Variants in CHRM3 observed in about 807,000 individuals in gnomAD.
The protein encoded by CHRM3 is cholinergic receptor muscarinic 3, also known as muscarinic acetylcholine receptor M3.
CHRM3 carries 11 observed loss-of-function variants against 41.8 expected under a neutral mutation model. That is an observed-to-expected ratio of 0.26 (90% CI 0.17 to 0.44). The LOEUF is 0.44. Ranked by LOEUF, CHRM3 falls within the 20% of genes least tolerant of loss-of-function variation. The pLI is 1.00. For missense variants in CHRM3, 571 were observed against 745.4 expected (o/e 0.77, Z 2.72); for synonymous variants, 297 against 301.4 (o/e 0.99, Z 0.15).
intron 3 of CHRM3, among the ~76,000 whole-genome samples, chr1:239,559,454 T>G (rs1660664700): frequency 6.6e-6 from 1 of 152,186 alleles, no homozygotes; most frequent in Non-Finnish European, 1.5e-5. Flanking sequence ...TTCATTTCAG[T>G]CAAGAATATT....
chr1:239,667,813 C>G (rs549725803), intron 4 of CHRM3, among the ~76,000 whole-genome samples: 5 of 152,074 alleles, frequency 3.3e-5, no homozygotes, highest in African/African-American at 1.2e-4. Flanking sequence ...CACAAATCAC[C>G]TTTCTCTGTC....
intron 3 of CHRM3, among the ~76,000 whole-genome samples, chr1:239,627,112 TC>T (rs1669054331): frequency 1.0e-5 from 1 of 96,618 alleles, no homozygotes; most frequent in Non-Finnish European, 2.1e-5. Flanking sequence ...TGTTAAAGTC[TC>T]CCATTATTAA....
At chr1:239,456,814 C>T (rs1162562253) in intron 1 of CHRM3, among the ~76,000 whole-genome samples, 1 of 152,188 alleles carries the variant, frequency 6.6e-6, no homozygotes, top group East Asian at 1.9e-4. Flanking sequence ...GGCAATTGCC[C>T]TTCCCCAGAG....
In CHRM3 at chr1:239,664,555, C is replaced by T. The variant is rs148154492; in HGVS notation, c.-249-13631C>T. 3.2e-3 allele frequency among the ~76,000 whole-genome samples: 483 copies of T among 152,202 alleles called. 3 individuals are homozygous for T. The highest frequency in any genetic ancestry group is 0.011 in the African/African-American group (460 of 41,526). ...TTCTCTTACCCCTCATCTTGAGAAT[C>T]TCTCCTGGTGAGCCCTAGGCCCCTT... On this transcript the variant is annotated intron_variant, in intron 4 of 6. Transcript: ENST00000676153.
chr1:239,455,113 G>C (rs999117405), intron 1 of CHRM3, among the ~76,000 whole-genome samples: 1 of 152,026 alleles, frequency 6.6e-6, no homozygotes, highest in Admixed American at 6.6e-5. Flanking sequence ...GCACAATGGC[G>C]TGATCTCGGC....
intron 1 of CHRM3, among the ~76,000 whole-genome samples, chr1:239,422,154 A>G (rs558648352): frequency 2.0e-5 from 3 of 152,316 alleles, no homozygotes; most frequent in Admixed American, 2.0e-4. Flanking sequence ...CTTTTACTTC[A>G]TGCAATAACA....
intron 4 of CHRM3, among the ~76,000 whole-genome samples, chr1:239,673,920 A>G (rs1439278147): frequency 6.6e-6 from 1 of 152,160 alleles, no homozygotes; most frequent in African/African-American, 2.4e-5. Context: ...CAAATCTAAA[A>G]CACTCCAAAA....
chr1:239,564,854 C>A lies in CHRM3; in HGVS notation c.-313+19105C>A, dbSNP rs148906341. On this transcript the variant is annotated intron_variant, in intron 3 of 6. Coordinates refer to ENST00000676153, the MANE Select transcript of CHRM3 (RefSeq NM_001375978.1). The stretch of plus-strand genomic sequence containing the variant: ...AATGCCATGTACTTATTTCCTATTG[C>A]AACTCTAACAAAAGACCACAAACTT... 7.0e-3 allele frequency among the ~76,000 whole-genome samples: 1,069 copies of A among 152,230 alleles called. 12 individuals are homozygous for A. The highest frequency in any genetic ancestry group is 0.025 in the African/African-American group (1,031 of 41,540).
intron 1 of CHRM3, among the ~76,000 whole-genome samples, chr1:239,468,910 C>CA (rs1187162435): frequency 6.6e-6 from 1 of 152,046 alleles, no homozygotes; most frequent in African/African-American, 2.4e-5. Flanking sequence ...TCAATAAATC[C>CA]ATTAGCAGAT....
chr1:239,663,842 G>A (rs1379298333), intron 4 of CHRM3, among the ~76,000 whole-genome samples: 1 of 152,170 alleles, frequency 6.6e-6, no homozygotes, highest in Non-Finnish European at 1.5e-5. Flanking sequence ...TACCCAGAAA[G>A]CTGTCCCTTT....
At chr1:239,702,541 A>G (rs1660780583) in intron 5 of CHRM3, among the ~76,000 whole-genome samples, 1 of 152,232 alleles carries the variant, frequency 6.6e-6, no homozygotes, top group Non-Finnish European at 1.5e-5. Flanking sequence ...TAGCTTGCAG[A>G]AAGTTTCTGT....
At position 239,759,836 on chromosome 1, in the gene CHRM3, C is replaced by T. The variant is rs530567115; in HGVS notation, c.-146-67416C>T. The stretch of plus-strand genomic sequence containing the variant: ...TTTTTTACAGCACCTAGAGAAGCTT[C>T]GCTGAATCATCTGGAATCCACTTCC... On this transcript the variant is annotated intron_variant, in intron 5 of 6. Transcript: ENST00000676153. Among the ~76,000 whole-genome samples, 10 of 152,214 alleles carry T rather than the reference C, an allele frequency of 6.6e-5. No homozygotes were observed. The East Asian group carries it at 1.4e-3, about 21-fold the overall frequency.
At chr1:239,797,787 C>T (rs1669909353) in intron 5 of CHRM3, among the ~76,000 whole-genome samples, 2 of 152,126 alleles carry the variant, frequency 1.3e-5, no homozygotes, top group Admixed American at 1.3e-4. Flanking sequence ...GTGGCTTGCA[C>T]CTATGGTCCC....
intron 1 of CHRM3, among the ~76,000 whole-genome samples, chr1:239,421,873 A>G (rs949191309): frequency 7.2e-5 from 11 of 152,092 alleles, no homozygotes; most frequent in Non-Finnish European, 1.5e-4. Flanking sequence ...GCTAAATAAT[A>G]TGCTTAATTC....
intron 3 of CHRM3, among the ~76,000 whole-genome samples, chr1:239,547,989 G>C (rs990170983): frequency 2.6e-5 from 4 of 151,464 alleles, no homozygotes; most frequent in Non-Finnish European, 5.9e-5. Flanking sequence ...TTTTTCAGGA[G>C]AGAAAGAGAG....
intron 6 of CHRM3, chr1:239,897,964 G>A (rs1207204988): frequency 6.6e-6 from 1 of 152,108 alleles, no homozygotes; most frequent in Admixed American, 6.5e-5. Context: ...CCCATGAAAA[G>A]TGGCAACCGA....
chr1:239,481,764 G>A (rs1666869691), intron 1 of CHRM3, among the ~76,000 whole-genome samples: 1 of 152,136 alleles, frequency 6.6e-6, no homozygotes, highest in South Asian at 2.1e-4. Context: ...GGGATACAAG[G>A]TATATCACTA....
intron 2 of CHRM3, among the ~76,000 whole-genome samples, chr1:239,545,177 CAT>C (rs1257347131): frequency 6.6e-6 from 1 of 152,172 alleles, no homozygotes; most frequent in Non-Finnish European, 1.5e-5. Flanking sequence ...CTGAGTCAGA[CAT>C]ATTTACTGAC....
chr1:239,735,998 C>T (rs528567458), intron 5 of CHRM3, among the ~76,000 whole-genome samples: 1 of 152,172 alleles, frequency 6.6e-6, no homozygotes, highest in East Asian at 1.9e-4. Context: ...CAATGCCTAT[C>T]CCCAACCCTC....
Sources: allele counts gnomAD v4.1 joint callset (sites outside exome capture counted in the v4.1 genomes callset), GRCh38; gene constraint gnomAD v4.1.1; transcripts MANE v1.5; gene names NCBI Gene and HGNC (gene_info 2026-07-23, HGNC 2026-07-21).